Variants in CFAP46 observed in about 807,000 individuals in gnomAD.
The protein encoded by CFAP46 is cilia- and flagella-associated protein 46.
In CFAP46, 245 loss-of-function variants were observed where a neutral mutation model predicts 325.7. The ratio of observed to expected loss-of-function variants is 0.75; its 90% CI spans 0.68 to 0.84. The LOEUF is 0.84. Ranked by LOEUF, CFAP46 falls within the 40% of genes least tolerant of loss-of-function variation. The pLI is 0.00. For missense variants in CFAP46, 3,346 were observed against 3,543.0 expected (o/e 0.94, Z 1.41); for synonymous variants, 1,523 against 1,495.9 (o/e 1.02, Z -0.42).
At chr10:132,905,951 G>A (rs1295967356) in intron 22 of CFAP46, among the ~76,000 whole-genome samples, 7 of 152,350 alleles carry the variant, frequency 4.6e-5, no homozygotes, top group Admixed American at 3.9e-4. Flanking sequence ...TTTCCTTTTG[G>A]AAGCAAATTG....
At chr10:132,826,234 C>A (rs1180281208) in intron 50 of CFAP46, among the ~76,000 whole-genome samples, 4 of 137,050 alleles carry the variant, frequency 2.9e-5, no homozygotes, top group African/African-American at 8.7e-5. Context: ...CGGAGCCAGG[C>A]AGGAGCCGGA....
intron 33 of CFAP46, among the ~76,000 whole-genome samples, chr10:132,868,151 T>A (rs1848844695): frequency 6.6e-6 from 1 of 151,896 alleles, no homozygotes; most frequent in Non-Finnish European, 1.5e-5. Context: ...TGCCCAGGCC[T>A]CCCCGGCCAC....
intron 11 of CFAP46, among the ~76,000 whole-genome samples, chr10:132,923,583 C>T (rs1447751797): frequency 6.6e-6 from 1 of 150,714 alleles, no homozygotes; most frequent in Non-Finnish European, 1.5e-5. Flanking sequence ...TCACGCAGCC[C>T]TTGTGGGGGT....
At chr10:132,915,313 G>A (rs144640003) in intron 17 of CFAP46, among the ~76,000 whole-genome samples, 13 of 152,342 alleles carry the variant, frequency 8.5e-5, no homozygotes, top group Middle Eastern at 3.4e-3. Flanking sequence ...CTGAAATGAC[G>A]GGGCTGTGAG....
At chr10:132,845,947 T>TG in intron 44 of CFAP46, 110 bp downstream of exon 44, 1 of 1,222,628 alleles carries the variant, frequency 8.2e-7, no homozygotes, top group Non-Finnish European at 1.1e-6. Flanking sequence ...GCTCATGAGC[T>TG]GGGGGGTGAG....
chr10:132,866,319 G>A (rs756542631), intron 34 of CFAP46, 148 bp from the exon 35 acceptor site: 18 of 823,246 alleles, frequency 2.2e-5, no homozygotes, highest in Non-Finnish European at 2.9e-5. Flanking sequence ...CACCATGGGC[G>A]CCTCGCAAGC....
chr10:132,821,559 G>A (rs1847830105), intron 50 of CFAP46, among the ~76,000 whole-genome samples: 1 of 140,842 alleles, frequency 7.1e-6, no homozygotes, highest in Non-Finnish European at 1.5e-5. Context: ...GTGCTGACGT[G>A]TGCTGTGTGT....
At position 132,886,986 on chromosome 10, in the gene CFAP46, CTCTTT is replaced by C. The variant is rs1461019010; in HGVS notation, c.3305-1032_3305-1028del. On this transcript the variant is annotated intron_variant, in intron 25 of 57. Transcript: ENST00000368586. The surrounding 1 kb of genome is among the most constrained non-coding windows in gnomAD (Gnocchi z 5.8). ...GAGGTCAGTGAAGGATCTGTCTTCT[CTCTTT>C]TCTCTTCTCTCTCTCTCGCCTCTCT... 6.6e-6 allele frequency among the ~76,000 whole-genome samples: 1 copy of C among 152,068 alleles called. No homozygotes were observed. The highest frequency in any genetic ancestry group is 2.4e-5 in the African/African-American group (1 of 41,348).
chr10:132,823,992 CTTGTTTGTGCTGTGTGTG>C (rs1453957636), intron 50 of CFAP46, among the ~76,000 whole-genome samples: 2,522 of 77,542 alleles, frequency 0.033, 72 homozygotes, highest in Non-Finnish European at 0.041. Context: ...GTGTGTGCTG[CTTGTTTGTGCTGTGTGTG>C]TGCTGTGTGC....
At position 132,924,761 on chromosome 10, in the gene CFAP46, G is replaced by A. The variant is rs541607199; in HGVS notation, c.1191C>T (p.His397=). 49 of 1,537,810 alleles carry A rather than the reference G, an allele frequency of 3.2e-5. No homozygotes were observed. In the African/African-American group the frequency reaches 6.7e-4, roughly 21 times the overall value. Residue 397 remains histidine, a synonymous_variant, in exon 11 of 58, where the codon CAC becomes CAT. Coordinates refer to ENST00000368586, the MANE Select transcript of CFAP46 (RefSeq NM_001200049.3). ...GCTTCCGCAGGTGGTGCCGCAGGTT[G>A]TGCTGCAGCAGGGGCAGGCAGGTGT... is the stretch of plus-strand genomic sequence containing the variant. ...QWNTCLPLLQ[H]NLRHHLRKPL... is the part of the protein sequence containing the mutation.
chr10:132,822,799 GTGC>G (rs1359515826), intron 50 of CFAP46, among the ~76,000 whole-genome samples: 479 of 136,630 alleles, frequency 3.5e-3, no homozygotes, highest in South Asian at 7.9e-3. Context: ...TGCTGTGTGT[GTGC>G]TGATGTGTGC....
At position 132,892,755 on chromosome 10, in the gene CFAP46, T is replaced by A. The variant is rs148285837; in HGVS notation, c.3220-338A>T. ...GCCGCTTGAATCGATGCTTCCGGAT[T>A]ACAACCGTCAAACTTGGCCCAGGTA... is the stretch of plus-strand genomic sequence containing the variant. On this transcript the variant is annotated intron_variant, in intron 24 of 57. Coordinates refer to ENST00000368586, the MANE Select transcript of CFAP46 (RefSeq NM_001200049.3). Among the ~76,000 whole-genome samples, 600 of 152,372 alleles carry A rather than the reference T, an allele frequency of 3.9e-3. 5 individuals are homozygous for A. Among genetic ancestry groups the A allele is most frequent in the African/African-American group, 0.014 (578 of 41,590 alleles).
At chr10:132,825,071 G>GA (rs1848016631) in intron 50 of CFAP46, among the ~76,000 whole-genome samples, 1 of 149,018 alleles carries the variant, frequency 6.7e-6, no homozygotes, top group African/African-American at 2.5e-5. Flanking sequence ...GATGTGTGCT[G>GA]TGTGTGCGCT....
chr10:132,880,894 C>T lies in CFAP46; in HGVS notation c.3766G>A (p.Gly1256Ser), dbSNP rs902683643. 1.0e-5 allele frequency: 16 copies of T among 1,549,782 alleles called. No homozygotes were observed. Among genetic ancestry groups the T allele is most frequent in the South Asian group, 3.6e-5 (3 of 84,050 alleles). ...GTGGGCTGTGGCTCAGGGACATCGC[C>T]GGGCGGCTTCATGGCCAGCAGGATC... The part of the protein sequence containing the change: ...VEILLAMKPP[G>S]DVPEPQPTPD... Residue 1256 changes from glycine (G) to serine (S), a missense_variant, in exon 28 of 58, where the codon GGC (glycine) becomes AGC (serine). By Grantham distance (56) the Gly-to-Ser change is moderately conservative. Transcript: ENST00000368586.
chr10:132,923,212 G>T (rs1409302152), intron 11 of CFAP46, among the ~76,000 whole-genome samples: 1 of 151,380 alleles, frequency 6.6e-6, no homozygotes, highest in South Asian at 2.1e-4. Flanking sequence ...ATGTGGGGGT[G>T]CCCCGGACGC....
In CFAP46 at chr10:132,922,601, A is replaced by C; in HGVS notation, c.1364T>G (p.Leu455Arg). 6.5e-7 allele frequency: 1 copy of C among 1,549,316 alleles called. No individual in the cohort carries two copies. The highest frequency in any genetic ancestry group is 8.7e-7 in the Non-Finnish European group (1 of 1,146,822). ...ATEHLRKAAR[L>R]DSLGLYRDRI... ...GTCCCGGTAGAGGCCCAGGCTGTCC[A>C]GGCGCGCGGCTTTCCGGAGGTGCTC... The change falls in exon 12 of 58, where the codon CTG becomes CGG. Residue 455 changes from leucine (L) to arginine (R), a missense_variant. Coordinates refer to ENST00000368586, the MANE Select transcript of CFAP46 (RefSeq NM_001200049.3).
intron 31 of CFAP46, among the ~76,000 whole-genome samples, chr10:132,873,034 A>G (rs974302800): frequency 1.1e-4 from 16 of 152,300 alleles, no homozygotes; most frequent in African/African-American, 3.9e-4. Flanking sequence ...TCTTCCACTC[A>G]TGGGTTTCAT....
At chr10:132,912,232 TCCTGTCCTCTTTCCTCTCTCTCTCTTCC>T (rs768272341) in intron 19 of CFAP46, among the ~76,000 whole-genome samples, 26 of 123,976 alleles carry the variant, frequency 2.1e-4, no homozygotes, top group Admixed American at 5.1e-4. Context: ...TTCTCCTCTC[TCCTGTCCTCTTTCCTCTCTCTCTCTTCC>T]CTCTCCTCTC....
rs185283550 is a variant in CFAP46, at chr10:132,852,936, A to G, written c.5575-1631T>C. Among the ~76,000 whole-genome samples, 4 of 152,344 alleles carry G rather than the reference A, an allele frequency of 2.6e-5. No homozygotes were observed. The East Asian group carries it at 5.8e-4, about 22-fold the overall frequency. On this transcript the variant is annotated intron_variant, in intron 39 of 57. Transcript: ENST00000368586. ...CAACCTTACAAAACTCAGCATTAGT[A>G]GCTTTATTTTTTGGTGGATTGCATA...
Sources: allele counts gnomAD v4.1 joint callset (sites outside exome capture counted in the v4.1 genomes callset), GRCh38; gene constraint gnomAD v4.1.1; non-coding constraint Gnocchi (gnomAD v3.1); transcripts MANE v1.5; gene names NCBI Gene and HGNC (gene_info 2026-07-23, HGNC 2026-07-21).